PSME4: variants seen among roughly 807,000 people sequenced by gnomAD.
The protein encoded by PSME4 is proteasome activator subunit 4, also known as proteasome activator complex subunit 4.
Under a neutral mutation model 253.9 loss-of-function variants are expected in PSME4, and 89 were observed. That is an observed-to-expected ratio of 0.35 (90% CI 0.30 to 0.42). The LOEUF (loss-of-function observed/expected upper bound fraction) is 0.42. Among genes scored for constraint, PSME4 ranks in the 10% least tolerant of loss-of-function variants. The pLI, the probability that PSME4 is intolerant of heterozygous loss-of-function variation, is 1.00. For missense variants in PSME4, 2,014 were observed against 2,195.2 expected, an observed-to-expected ratio of 0.92 and a Z score of 1.65; for synonymous variants, 851 against 759.2, an observed-to-expected ratio of 1.12 and a Z score of -1.99.
At chr2:53,943,573 G>A (rs1005813015) in intron 3 of PSME4, among the ~76,000 whole-genome samples, 4 of 152,164 alleles carry the variant, frequency 2.6e-5, no homozygotes, top group Non-Finnish European at 5.9e-5. Context: ...AGGTGCAGTG[G>A]CTCATGCCTG....
chr2:53,875,071 G>A (rs1291477446), intron 42 of PSME4, among the ~76,000 whole-genome samples: 1 of 152,212 alleles, frequency 6.6e-6, no homozygotes, highest in Admixed American at 6.5e-5. Flanking sequence ...GCAGGGTCTG[G>A]AAAGCAAATG....
chr2:53,941,255 A>T (rs1057131391), intron 3 of PSME4, among the ~76,000 whole-genome samples: 3 of 146,066 alleles, frequency 2.1e-5, no homozygotes, highest in Admixed American at 7.2e-5. Flanking sequence ...GAGAAAAATT[A>T]ACTGAAGAGG....
At chr2:53,879,331 T>A (rs576368375) in intron 41 of PSME4, among the ~76,000 whole-genome samples, 1 of 152,232 alleles carries the variant, frequency 6.6e-6, no homozygotes, top group African/African-American at 2.4e-5. Flanking sequence ...CCTTGTAGTT[T>A]AGATATCCTA....
intron 20 of PSME4, among the ~76,000 whole-genome samples, chr2:53,910,721 G>T (rs958324621): frequency 8.5e-5 from 13 of 152,170 alleles, no homozygotes; most frequent in African/African-American, 2.9e-4. Flanking sequence ...GACCCAGCCA[G>T]TTAAATTCAT....
chr2:53,867,624 A>G (rs190536850), intron 44 of PSME4, among the ~76,000 whole-genome samples: 1 of 150,784 alleles, frequency 6.6e-6, no homozygotes, highest in East Asian at 2.0e-4. Context: ...AGCCATATTC[A>G]AAACCACTGC....
At chr2:53,937,636 G>C in intron 4 of PSME4, 96 bp from the exon 5 acceptor site, 1 of 1,124,000 alleles carries the variant, frequency 8.9e-7, no homozygotes, top group East Asian at 2.4e-5. Context: ...GGGAGGAGGA[G>C]AATATATGTC....
chr2:53,866,667 G>A lies in PSME4; in HGVS notation c.5397+80C>T, dbSNP rs965266909. 9.0e-6 allele frequency: 13 copies of A among 1,446,860 alleles called. No homozygotes were observed. The African/African-American group carries it at 1.8e-4, about 21-fold the overall frequency. 89.6% of individuals were successfully genotyped at this position (1,446,860 alleles called of 1,614,324 possible). A position where few individuals can be genotyped will look rare whatever the true frequency, so the allele number is the denominator to read the frequency against. Reference sequence around the variant, plus strand: ...GCTTTATGAAAGCAGTTAGTTCAGAGTGTATAGGAAATTATTATTATGGTT... The same window carrying A: ...GCTTTATGAAAGCAGTTAGTTCAGAATGTATAGGAAATTATTATTATGGTT... On this transcript the variant is annotated intron_variant, in intron 45 of 46. Coordinates refer to ENST00000404125, the MANE Select transcript of PSME4 (RefSeq NM_014614.3).
At chr2:53,941,542 T>C (rs1166634691) in intron 3 of PSME4, among the ~76,000 whole-genome samples, 6 of 152,022 alleles carry the variant, frequency 3.9e-5, no homozygotes, top group Admixed American at 2.6e-4. Context: ...AAAAAGGCTA[T>C]CTGCTCATAT....
At position 53,887,850 on chromosome 2, in the gene PSME4, G is replaced by A; in HGVS notation, c.4520+8C>T. 1.3e-6 allele frequency: 2 copies of A among 1,588,676 alleles called. No homozygotes were observed. The highest frequency in any genetic ancestry group is 1.7e-6 in the Non-Finnish European group (2 of 1,158,542). ...CGAGAGGTACACCACAGAGAAAACA[G>A]TACCTACCTTCCTATTCTTTCTCTG... On this transcript the variant is annotated splice_region_variant and intron_variant, in intron 39 of 46. Transcript: ENST00000404125.
intron 1 of PSME4, among the ~76,000 whole-genome samples, chr2:53,957,484 C>T (rs1450792517): frequency 6.6e-6 from 1 of 152,168 alleles, no homozygotes; most frequent in African/African-American, 2.4e-5. Flanking sequence ...AGATCCCTCT[C>T]ATGTGCAGTT....
In PSME4 at chr2:53,886,162, C is replaced by G. The variant is rs139173873; in HGVS notation, c.4730-387G>C. 1.0e-3 allele frequency among the ~76,000 whole-genome samples: 156 copies of G among 152,272 alleles called. 1 individual carries two copies. In the East Asian group the frequency reaches 0.018, roughly 18 times the overall value. ...GTGGCTCATGCCTGTAATTCTAGCA[C>G]TTTTGGAGGCCAAGGCGGGAGGATC... On this transcript the variant is annotated intron_variant, in intron 40 of 46. Coordinates refer to ENST00000404125, the MANE Select transcript of PSME4 (RefSeq NM_014614.3).
At chr2:53,898,197 A>T in intron 30 of PSME4, 104 bp downstream of exon 30, 1 of 1,255,144 alleles carries the variant, frequency 8.0e-7, no homozygotes, top group Non-Finnish European at 1.1e-6. Flanking sequence ...CACAAACCGG[A>T]ATATAACTTT....
In PSME4 at chr2:53,892,884, T is replaced by C; in HGVS notation, c.4115A>G (p.His1372Arg). The stretch of plus-strand genomic sequence containing the variant: ...TGCAACACATCGCTGGGTGCTTTCA[T>C]GTGAATCTGCAACCAAATGTTCTAA... ...PHLEHLVADS[H>R]ESTQRCVAEI... is the part of the protein sequence containing the mutation. The change falls in exon 36 of 47, where the codon CAT becomes CGT. Residue 1372 changes from histidine to arginine, a missense_variant. Around this residue, in one of 4 missense-constraint regions of PSME4, gnomAD observed 989 missense variants for 1,021.1 expected, o/e 0.97. Transcript: ENST00000404125. The C allele has an allele frequency of 6.2e-7, 1 of 1,613,906 alleles. No individual in the cohort carries two copies. The highest frequency in any genetic ancestry group is 8.5e-7 in the Non-Finnish European group (1 of 1,179,882).
chr2:53,954,714 G>A (rs765544492), intron 1 of PSME4, among the ~76,000 whole-genome samples: 7 of 151,774 alleles, frequency 4.6e-5, no homozygotes, highest in African/African-American at 9.7e-5. Flanking sequence ...AGTGGCAGGC[G>A]TCTGTAGTCC....
chr2:53,942,863 A>T (rs921196814), intron 3 of PSME4, among the ~76,000 whole-genome samples: 3 of 152,194 alleles, frequency 2.0e-5, no homozygotes, highest in Non-Finnish European at 2.9e-5. Flanking sequence ...GGGTAAAAAG[A>T]GAGTTCTTGT....
intron 41 of PSME4, among the ~76,000 whole-genome samples, chr2:53,877,292 T>C (rs145528809): frequency 6.7e-6 from 1 of 148,510 alleles, no homozygotes; most frequent in Admixed American, 6.7e-5. Flanking sequence ...TGGTGCCACA[T>C]GCCTATAGTC....
Position 53,910,127 on chromosome 2 carries a change from T to C in PSME4, c.2520A>G (p.Val840=). ...PLKGEPVTNL[V]PSMVSLEETK... Reference sequence around the variant, plus strand: ...TCTCTTCCAAGGACACCATACTTGGTACTCTGTATAAAAACAAGAGTGCTT... The same window carrying C: ...TCTCTTCCAAGGACACCATACTTGGCACTCTGTATAAAAACAAGAGTGCTT... Residue 840 remains valine (V), a synonymous_variant, in exon 21 of 47, where the codon GTA becomes GTG. Coordinates refer to ENST00000404125, the MANE Select transcript of PSME4 (RefSeq NM_014614.3). 3.1e-6 allele frequency: 5 copies of C among 1,605,138 alleles called. No individual in the cohort carries two copies. Among genetic ancestry groups the C allele is most frequent in the Non-Finnish European group, 4.3e-6 (5 of 1,171,818 alleles).
At chr2:53,881,323 G>A (rs1371089842) in intron 41 of PSME4, 1 of 152,118 alleles carries the variant, frequency 6.6e-6, no homozygotes, top group Non-Finnish European at 1.5e-5. Context: ...CTATAGTTGT[G>A]GATTTTGATG....
At chr2:53,968,212 T>C (rs557006302) in intron 1 of PSME4, among the ~76,000 whole-genome samples, 6 of 151,206 alleles carry the variant, frequency 4.0e-5, no homozygotes, top group African/African-American at 1.5e-4. Context: ...AAGGCAGGGA[T>C]TGCAGTGGGC....
Sources: allele counts gnomAD v4.1 joint callset (sites outside exome capture counted in the v4.1 genomes callset), GRCh38; gene constraint gnomAD v4.1.1; regional missense constraint gnomAD v4.1.1; transcripts MANE v1.5; gene names NCBI Gene and HGNC (gene_info 2026-07-23, HGNC 2026-07-21).